The following F8 variants were observed in gnomAD, a reference collection of about 807,000 sequenced individuals.
F8 encodes antihemophilic factor.
Under a neutral mutation model 140.6 loss-of-function variants are expected in F8, and 12 were observed. The ratio of observed to expected loss-of-function variants is 0.09; its 90% CI spans 0.05 to 0.14. The LOEUF (loss-of-function observed/expected upper bound fraction) is 0.14. F8 is among the 10% of genes least tolerant of loss of function. The probability of loss-of-function intolerance (pLI) is 1.00; values close to 1 mark genes in which losing one functional copy is unlikely to be tolerated. For missense variants in F8, 1,354 were observed against 1,720.7 expected (o/e 0.79, Z 3.77); for synonymous variants, 585 against 614.6 (o/e 0.95, Z 0.71).
chrX:154,879,919 G>T (rs186079918), intron 22 of F8, among the ~76,000 whole-genome samples: 4 of 111,704 alleles, frequency 3.6e-5, no homozygotes, highest in African/African-American at 1.3e-4. Context: ...GGGACTGTAA[G>T]TTTCCTGAGG....
intron 22 of F8, among the ~76,000 whole-genome samples, chrX:154,874,089 A>C (rs2072794744): frequency 8.9e-6 from 1 of 112,659 alleles, no homozygotes; most frequent in Non-Finnish European, 1.9e-5. Context: ...CAAACTGTAT[A>C]TCTGATAATG....
At chrX:154,857,486 G>A (rs1354329326) in intron 25 of F8, among the ~76,000 whole-genome samples, 1 of 111,776 alleles carries the variant, frequency 8.9e-6, no homozygotes, top group Non-Finnish European at 1.9e-5. Flanking sequence ...GGAGTCTTGG[G>A]CCTGGTTTAC....
rs782270709 is a variant in F8 at position 154,837,617 on chromosome X, C to T, written c.7036G>A (p.Glu2346Lys). The change falls in exon 26 of 26, where the codon GAG becomes AAG. Residue 2346 changes from glutamate to lysine, a missense_variant. Transcript: ENST00000360256. Reference sequence around the variant, plus strand: ...CACCCTCAGTAGAGGTCCTGTGCCTCGCAGCCCAGAACCTCCATCCTCAGG... The same window carrying T: ...CACCCTCAGTAGAGGTCCTGTGCCTTGCAGCCCAGAACCTCCATCCTCAGG... ...IALRMEVLGC[E>K]AQDLY 30 of 1,201,056 alleles carry T rather than the reference C, an allele frequency of 2.5e-5. No individual in the cohort carries two copies. Among genetic ancestry groups the T allele is most frequent in the Non-Finnish European group, 3.1e-5 (28 of 890,758 alleles).
chrX:154,880,753 T>G (rs2072853698), intron 22 of F8, among the ~76,000 whole-genome samples: 1 of 112,154 alleles, frequency 8.9e-6, no homozygotes, highest in Non-Finnish European at 1.9e-5. Context: ...TGGAAATCAT[T>G]TAATGAACTG....
At chrX:154,958,601 A>G (rs1416604787) in intron 10 of F8, among the ~76,000 whole-genome samples, 1 of 111,678 alleles carries the variant, frequency 9.0e-6, no homozygotes, top group Non-Finnish European at 1.9e-5. Flanking sequence ...GCAATAATGA[A>G]TATTAGAAAA....
chrX:154,860,149 T>A (rs781819074), intron 25 of F8, among the ~76,000 whole-genome samples: 66 of 112,005 alleles, frequency 5.9e-4, no homozygotes, highest in African/African-American at 1.9e-3. Flanking sequence ...AATGAAGACT[T>A]CCTGGACCAC....
At chrX:154,918,791 T>G (rs1228996332) in intron 14 of F8, 7 of 100,774 alleles carry the variant, frequency 6.9e-5, no homozygotes, top group Non-Finnish European at 1.4e-4. Context: ...ATCATGTTTT[T>G]TTTTTTTTTT....
chrX:154,868,562 G>C (rs1174262147), intron 22 of F8, among the ~76,000 whole-genome samples: 1 of 111,813 alleles, frequency 8.9e-6, no homozygotes, highest in African/African-American at 3.3e-5. Flanking sequence ...AACATGGAAA[G>C]GAACAACTGG....
At chrX:154,997,470 A>G (rs921594123) in intron 2 of F8, among the ~76,000 whole-genome samples, 1 of 112,376 alleles carries the variant, frequency 8.9e-6, no homozygotes, top group Non-Finnish European at 1.9e-5. Context: ...TCTGCTAGAA[A>G]GTGATGAGGC....
At chrX:154,991,622 A>T (rs782676752) in intron 4 of F8, among the ~76,000 whole-genome samples, 1 of 111,957 alleles carries the variant, frequency 8.9e-6, no homozygotes, top group East Asian at 2.8e-4. Flanking sequence ...TCATATGTAA[A>T]CACTAATGTT....
intron 22 of F8, among the ~76,000 whole-genome samples, chrX:154,866,066 T>C (rs1406992695): frequency 9.0e-6 from 1 of 111,430 alleles, no homozygotes; most frequent in East Asian, 2.8e-4. Flanking sequence ...AGTTATGCCA[T>C]GCAAACTGTA....
At chrX:154,899,353 C>T (rs1026817957) in intron 21 of F8, among the ~76,000 whole-genome samples, 1 of 112,178 alleles carries the variant, frequency 8.9e-6, no homozygotes, top group East Asian at 2.8e-4. Flanking sequence ...CCAAGAGTTT[C>T]CATCTGTCTG....
In F8 at chrX:154,904,063, T is replaced by C; in HGVS notation, c.5841A>G (p.Thr1947=). ...CCTGAGCCATTACTAAGCCAGGTAG[T>C]GTATCCATTATGTAGCCATTGATTG... is the stretch of plus-strand genomic sequence containing the variant. ...FHAINGYIMD[T]LPGLVMAQDQ... The change falls in exon 18 of 26, where the codon ACA becomes ACG. Residue 1947 remains threonine (T), a synonymous_variant. Coordinates refer to ENST00000360256, the MANE Select transcript of F8 (RefSeq NM_000132.4). 8.3e-7 allele frequency: 1 copy of C among 1,211,593 alleles called. No individual in the cohort carries two copies. Among genetic ancestry groups the C allele is most frequent in the South Asian group, 1.8e-5 (1 of 57,009 alleles).
chrX:154,844,729 G>A (rs781830762), intron 25 of F8, among the ~76,000 whole-genome samples: 11 of 111,470 alleles, frequency 9.9e-5, no homozygotes, highest in South Asian at 3.8e-4. Flanking sequence ...CAATCATGTC[G>A]TCTGCGAACA....
chrX:154,979,313 C>T (rs1471031847), intron 6 of F8, among the ~76,000 whole-genome samples: 1 of 111,276 alleles, frequency 9.0e-6, no homozygotes. Flanking sequence ...TGGGCCTGAC[C>T]TCAGACCCCA....
At chrX:154,990,489 T>C (rs1359928658) in intron 4 of F8, among the ~76,000 whole-genome samples, 3 of 112,028 alleles carry the variant, frequency 2.7e-5, no homozygotes, top group Non-Finnish European at 5.6e-5. Context: ...CTTGTTATGC[T>C]ATGATTCTTT....
chrX:154,908,534 A>G (rs1341433247), intron 14 of F8, among the ~76,000 whole-genome samples: 1 of 112,258 alleles, frequency 8.9e-6, no homozygotes, highest in Non-Finnish European at 1.9e-5. Context: ...TCAGTTTGGG[A>G]ATAACCGACA....
intron 14 of F8, among the ~76,000 whole-genome samples, chrX:154,917,891 GCTAC>G (rs2073106560): frequency 4.5e-5 from 5 of 111,789 alleles, no homozygotes; most frequent in African/African-American, 1.6e-4. Flanking sequence ...TGATTTGAGA[GCTAC>G]AATTTGCCAT....
chrX:154,978,089 G>T (rs2073497499), intron 6 of F8, among the ~76,000 whole-genome samples: 1 of 109,167 alleles, frequency 9.2e-6, no homozygotes, highest in Non-Finnish European at 1.9e-5. Flanking sequence ...GAATTCTTTG[G>T]TTCCAGAATT....
Sources: allele counts gnomAD v4.1 joint callset (sites outside exome capture counted in the v4.1 genomes callset), GRCh38; gene constraint gnomAD v4.1.1; transcripts MANE v1.5; gene names NCBI Gene and HGNC (gene_info 2026-07-23, HGNC 2026-07-21).